The following SRGAP3 variants were observed in gnomAD, a reference collection of about 807,000 sequenced individuals.
SRGAP3 encodes SLIT-ROBO Rho GTPase activating protein 3.
Under a neutral mutation model 121.1 loss-of-function variants are expected in SRGAP3, and 39 were observed. The observed-to-expected ratio is 0.32, with a 90% confidence interval of 0.25 to 0.42. The LOEUF (loss-of-function observed/expected upper bound fraction) is 0.42, where lower values mean the gene tolerates loss of function less well. Among genes scored for constraint, SRGAP3 ranks in the 10% least tolerant of loss-of-function variants. The probability of loss-of-function intolerance (pLI) is 1.00; values close to 1 mark genes in which losing one functional copy is unlikely to be tolerated. For missense variants in SRGAP3, 1,213 were observed against 1,470.6 expected, an observed-to-expected ratio of 0.82 and a Z score of 2.86; for synonymous variants, 601 against 570.0, an observed-to-expected ratio of 1.05 and a Z score of -0.77.
intron 3 of SRGAP3, among the ~76,000 whole-genome samples, chr3:9,089,123 AC>A (rs1947628904): frequency 6.6e-6 from 1 of 152,040 alleles, no homozygotes; most frequent in African/African-American, 2.4e-5. Flanking sequence ...GCTGAATGAG[AC>A]ACGGTCCCTG....
intron 1 of SRGAP3, among the ~76,000 whole-genome samples, chr3:9,167,162 G>A (rs576275255): frequency 6.6e-6 from 1 of 152,280 alleles, no homozygotes; most frequent in Admixed American, 6.5e-5. Flanking sequence ...GCAGGAGAAA[G>A]GGGGAGGATT....
At chr3:9,306,130 T>C (rs1408604542) in intron 3 of SRGAP3, among the ~76,000 whole-genome samples, 1 of 152,252 alleles carries the variant, frequency 6.6e-6, no homozygotes, top group Non-Finnish European at 1.5e-5. Flanking sequence ...TGGCATCTCA[T>C]TGTGGTTTTG....
At chr3:9,013,240 CTTA>C in intron 17 of SRGAP3, 65 bp downstream of exon 17, 1 of 1,490,260 alleles carries the variant, frequency 6.7e-7, no homozygotes, top group South Asian at 1.2e-5. Context: ...TGAAGGGTTT[CTTA>C]TTGTTCCTAT....
chr3:9,056,605 G>A (rs763560908), intron 7 of SRGAP3, among the ~76,000 whole-genome samples: 1 of 152,214 alleles, frequency 6.6e-6, no homozygotes, highest in Non-Finnish European at 1.5e-5. Flanking sequence ...GCATGTGAAG[G>A]TTTACAAAGA....
chr3:9,261,508 G>A (rs1483755039), intron 3 of SRGAP3, among the ~76,000 whole-genome samples: 1 of 151,910 alleles, frequency 6.6e-6, no homozygotes, highest in Admixed American at 6.6e-5. Flanking sequence ...GAACATAAAT[G>A]ACCTGATGGA....
intron 3 of SRGAP3, among the ~76,000 whole-genome samples, chr3:9,317,534 T>G (rs1955368721): frequency 6.6e-6 from 1 of 152,110 alleles, no homozygotes; most frequent in African/African-American, 2.4e-5. Context: ...GTCTTCAGAG[T>G]AAAAGCTTAA....
At chr3:9,137,223 T>C (rs1158128322) in intron 1 of SRGAP3, among the ~76,000 whole-genome samples, 1 of 152,194 alleles carries the variant, frequency 6.6e-6, no homozygotes. Flanking sequence ...CTATACCAAG[T>C]GAGCCAGGTT....
intron 1 of SRGAP3, among the ~76,000 whole-genome samples, chr3:9,127,606 C>T (rs1282638940): frequency 1.3e-5 from 2 of 152,190 alleles, no homozygotes; most frequent in East Asian, 1.9e-4. Context: ...CACCACCACA[C>T]CCAGCTAGTT....
At chr3:9,348,856 C>A in intron 1 of SRGAP3, 1 of 1,310,418 alleles carries the variant, frequency 7.6e-7, no homozygotes. Flanking sequence ...GTAAGGATCG[C>A]AGGTTTGCAA....
At chr3:8,990,975 A>C (rs1160676647) in intron 20 of SRGAP3, 136 bp from the exon 21 acceptor site, 4 of 724,252 alleles carry the variant, frequency 5.5e-6, no homozygotes, top group Admixed American at 3.2e-5. Flanking sequence ...ATTCAGCCAG[A>C]CCCTACAATT....
chr3:9,252,679 C>T (rs192154180), upstream of SRGAP3, among the ~76,000 whole-genome samples: 160 of 152,306 alleles, frequency 1.1e-3, 1 homozygote, highest in African/African-American at 3.5e-3. Flanking sequence ...AGGCCCCCAG[C>T]ACCAGGTCCT....
At chr3:9,223,425 T>C (rs940248291) in intron 1 of SRGAP3, among the ~76,000 whole-genome samples, 1 of 152,262 alleles carries the variant, frequency 6.6e-6, no homozygotes, top group African/African-American at 2.4e-5. Flanking sequence ...TCAGAGTCTT[T>C]AATACATAGA....
intron 4 of SRGAP3, among the ~76,000 whole-genome samples, chr3:9,076,373 A>T (rs1266406710): frequency 6.6e-6 from 1 of 152,190 alleles, no homozygotes; most frequent in Non-Finnish European, 1.5e-5. Context: ...TATATAAAAT[A>T]CCTAATACAG....
At chr3:9,124,597 G>T in intron 2 of SRGAP3, 128 bp downstream of exon 2, 1 of 1,220,932 alleles carries the variant, frequency 8.2e-7, no homozygotes, top group Non-Finnish European at 1.2e-6. Flanking sequence ...AACCTGCAGA[G>T]CCAGGGCCCT....
chr3:9,130,065 T>C (rs1949387363), intron 1 of SRGAP3, among the ~76,000 whole-genome samples: 1 of 152,112 alleles, frequency 6.6e-6, no homozygotes, highest in South Asian at 2.1e-4. Flanking sequence ...CCCAGCCTAC[T>C]ATTTCCCTTT....
intron 14 of SRGAP3, among the ~76,000 whole-genome samples, chr3:9,019,557 T>A (rs1239216505): frequency 6.6e-6 from 1 of 152,232 alleles, no homozygotes; most frequent in Non-Finnish European, 1.5e-5. Flanking sequence ...GGGCTGCTCC[T>A]CCTCCTGAAC....
In SRGAP3 at chr3:8,984,603, T is replaced by G. The variant is rs1279201872; in HGVS notation, c.*916A>C. The G allele has an allele frequency of 1.3e-5, 3 of 232,228 alleles. No homozygotes were observed. The highest frequency in any genetic ancestry group is 2.6e-5 in the Non-Finnish European group (3 of 117,582). The allele number at this position is 232,228 out of a possible 1,614,324, so 14.4% of individuals were successfully genotyped here. ...TACGATGGGGCTTAGGTTCTCACTATCCCCCGTCTCTACACACAAACACAA... is the reference window on the plus strand; with the variant it reads ...TACGATGGGGCTTAGGTTCTCACTAGCCCCCGTCTCTACACACAAACACAA... On this transcript the variant is annotated 3_prime_UTR_variant, in exon 22 of 22. Coordinates refer to ENST00000383836, the MANE Select transcript of SRGAP3 (RefSeq NM_014850.4).
intron 3 of SRGAP3, among the ~76,000 whole-genome samples, chr3:9,103,892 T>C (rs1327918767): frequency 6.6e-6 from 1 of 152,184 alleles, no homozygotes; most frequent in Non-Finnish European, 1.5e-5. Context: ...GGTAAAACCT[T>C]TCTGAAGGCA....
rs1945659937 is a variant in SRGAP3 at position 9,053,064 on chromosome 3, C to T, written c.1286G>A (p.Arg429Lys). 3.7e-6 allele frequency: 6 copies of T among 1,614,160 alleles called. No homozygotes were observed. The African/African-American group carries it at 5.3e-5, about 14-fold the overall frequency. Reference protein sequence around the residue: ...YMSKINIAKRRANQQETEMFY... With the variant: ...YMSKINIAKRKANQQETEMFY... ...CATTTCTGTTTCCTGCTGGTTGGCT[C>T]TCCTCTTGGCAATGTTGATCTTGCT... is the stretch of plus-strand genomic sequence containing the variant. The change falls in exon 9 of 22, where the codon AGA becomes AAA. Residue 429 changes from arginine to lysine, a missense_variant. By Grantham distance (26) the Arg-to-Lys change is conservative. Coordinates refer to ENST00000383836, the MANE Select transcript of SRGAP3 (RefSeq NM_014850.4).
Sources: allele counts gnomAD v4.1 joint callset (sites outside exome capture counted in the v4.1 genomes callset), GRCh38; gene constraint gnomAD v4.1.1; transcripts MANE v1.5; gene names NCBI Gene and HGNC (gene_info 2026-07-23, HGNC 2026-07-21).